KCND2: variants seen among roughly 807,000 people sequenced by gnomAD.
KCND2 encodes A-type voltage-gated potassium channel KCND2.
In KCND2, 16 loss-of-function variants were observed where a neutral mutation model predicts 54.4. The ratio of observed to expected loss-of-function variants is 0.29; its 90% CI spans 0.20 to 0.45. The LOEUF (loss-of-function observed/expected upper bound fraction) is 0.45, where lower values mean the gene tolerates loss of function less well. Among genes scored for constraint, KCND2 ranks in the 20% least tolerant of loss-of-function variants. The pLI is 1.00. For synonymous variants in KCND2, 317 were observed against 310.7 expected, an observed-to-expected ratio of 1.02 and a Z score of -0.21; for missense variants, 486 against 824.2, an observed-to-expected ratio of 0.59 and a Z score of 5.02.
Position 120,742,405 on chromosome 7 carries a change from A to C in KCND2, c.1375-105A>C. ...TCCTTTCTAGTTAGAAAAAAATAAA[A>C]TGTTGCCAGTTAATAGAGCAGATCT... On this transcript the variant is annotated intron_variant, in intron 3 of 5. Transcript: ENST00000331113. 3.3e-6 allele frequency: 3 copies of C among 897,872 alleles called. No homozygotes were observed. In the South Asian group the frequency reaches 4.0e-5, roughly 12 times the overall value. The allele number at this position is 897,872 out of a possible 1,614,324, so 55.6% of individuals were successfully genotyped here. A position where few individuals can be genotyped will look rare whatever the true frequency, so the allele number is the denominator to read the frequency against.
intron 1 of KCND2, among the ~76,000 whole-genome samples, chr7:120,413,266 G>A (rs1183607430): frequency 6.6e-6 from 1 of 151,974 alleles, no homozygotes; most frequent in Non-Finnish European, 1.5e-5. Flanking sequence ...TGAAGAATTA[G>A]TGAAGACTAT....
chr7:120,682,550 GAATAGTATATA>G (rs1792152413), intron 1 of KCND2, among the ~76,000 whole-genome samples: 1 of 151,980 alleles, frequency 6.6e-6, no homozygotes, highest in Admixed American at 6.6e-5. Flanking sequence ...TGTTCTCCAA[GAATAGTATATA>G]AACTGGTCCT....
intron 1 of KCND2, among the ~76,000 whole-genome samples, chr7:120,411,841 C>T (rs898875530): frequency 2.0e-5 from 3 of 151,798 alleles, no homozygotes; most frequent in African/African-American, 7.3e-5. Flanking sequence ...AGTGCCTAGG[C>T]CTTGTGAGTC....
In KCND2 at chr7:120,724,518, G is replaced by C. The variant is rs1468206274; in HGVS notation, c.1116-8385G>C. Reference sequence around the variant, plus strand: ...AATAGAAAGTTATTTGTTCCAGTGAGACTATGGGGTGTATGTGGGTGAACA... The same window carrying C: ...AATAGAAAGTTATTTGTTCCAGTGACACTATGGGGTGTATGTGGGTGAACA... On this transcript the variant is annotated intron_variant, in intron 1 of 5. Transcript: ENST00000331113. 4.6e-5 allele frequency among the ~76,000 whole-genome samples: 7 copies of C among 152,178 alleles called. No homozygotes were observed. In the East Asian group the frequency reaches 1.3e-3, roughly 29 times the overall value.
chr7:120,305,976 T>C (rs374067161), intron 1 of KCND2, among the ~76,000 whole-genome samples: 5 of 152,276 alleles, frequency 3.3e-5, no homozygotes, highest in African/African-American at 1.2e-4. Flanking sequence ...ATGGTACTAA[T>C]CTTCAAGTGG....
intron 1 of KCND2, among the ~76,000 whole-genome samples, chr7:120,591,651 C>G (rs2049643): frequency 0.098 from 14,913 of 152,202 alleles, 1,028 homozygotes; most frequent in African/African-American, 0.21. Context: ...TTAAAGAGCT[C>G]TCAAGCAATA....
chr7:120,424,162 A>G (rs564688955), intron 1 of KCND2, among the ~76,000 whole-genome samples: 130 of 152,280 alleles, frequency 8.5e-4, no homozygotes, highest in Middle Eastern at 3.4e-3. Context: ...TTTAATATAA[A>G]CTTGAATATA....
intron 1 of KCND2, among the ~76,000 whole-genome samples, chr7:120,680,545 G>A (rs80256109): frequency 0.13 from 20,305 of 152,058 alleles, 1,842 homozygotes; most frequent in East Asian, 0.42. Flanking sequence ...ACATAAATGG[G>A]ATCTTTGATC....
chr7:120,735,570 C>T (rs902463051), intron 2 of KCND2, among the ~76,000 whole-genome samples: 2 of 152,062 alleles, frequency 1.3e-5, no homozygotes, highest in East Asian at 3.9e-4. Context: ...TAAAGAAAAC[C>T]TTAGAATATT....
intron 1 of KCND2, among the ~76,000 whole-genome samples, chr7:120,377,542 T>G (rs1316431911): frequency 8.1e-6 from 1 of 123,360 alleles, no homozygotes; most frequent in Non-Finnish European, 1.8e-5. Context: ...TAATTGTCAT[T>G]TCTCATTTCC....
At chr7:120,703,717 G>A (rs1183199931) in intron 1 of KCND2, among the ~76,000 whole-genome samples, 2 of 152,150 alleles carry the variant, frequency 1.3e-5, no homozygotes, top group Non-Finnish European at 1.5e-5. Context: ...GAGGAGAAAT[G>A]CTGATACATT....
intron 1 of KCND2, among the ~76,000 whole-genome samples, chr7:120,374,939 C>T (rs1800816604): frequency 6.6e-6 from 1 of 151,814 alleles, no homozygotes; most frequent in African/African-American, 2.4e-5. Context: ...TCAGTGTTTA[C>T]ACTGTCGCTG....
chr7:120,282,588 G>T (rs1799282875), intron 1 of KCND2, among the ~76,000 whole-genome samples: 1 of 152,102 alleles, frequency 6.6e-6, no homozygotes, highest in Admixed American at 6.6e-5. Context: ...GTTCCTAGAG[G>T]TTAATAATGG....
intron 1 of KCND2, among the ~76,000 whole-genome samples, chr7:120,641,858 A>T (rs1177599792): frequency 3.8e-5 from 4 of 106,372 alleles, no homozygotes; most frequent in Non-Finnish European, 5.5e-5. Flanking sequence ...AAAAGATAAT[A>T]AAAAAAAAAG....
At chr7:120,319,321 A>G (rs958596326) in intron 1 of KCND2, among the ~76,000 whole-genome samples, 2 of 152,104 alleles carry the variant, frequency 1.3e-5, no homozygotes, top group African/African-American at 4.8e-5. Flanking sequence ...TTTAATAGAC[A>G]AGTAGAAAAA....
At chr7:120,505,052 T>C (rs1199120432) in intron 1 of KCND2, among the ~76,000 whole-genome samples, 1 of 151,828 alleles carries the variant, frequency 6.6e-6, no homozygotes, top group Non-Finnish European at 1.5e-5. Flanking sequence ...GTTTTTCAAA[T>C]TTAAAAAGTG....
At chr7:120,684,748 G>A (rs1022963355) in intron 1 of KCND2, among the ~76,000 whole-genome samples, 3 of 152,082 alleles carry the variant, frequency 2.0e-5, no homozygotes, top group Non-Finnish European at 4.4e-5. Context: ...CCCATCACTC[G>A]CAATATCACC....
At chr7:120,312,845 C>T (rs912360798) in intron 1 of KCND2, among the ~76,000 whole-genome samples, 1 of 152,178 alleles carries the variant, frequency 6.6e-6, no homozygotes, top group African/African-American at 2.4e-5. Context: ...GGGTAGTTGG[C>T]CTACTGTTCA....
At chr7:120,411,609 A>G (rs1018905567) in intron 1 of KCND2, among the ~76,000 whole-genome samples, 19 of 151,986 alleles carry the variant, frequency 1.3e-4, no homozygotes, top group Non-Finnish European at 5.9e-5. Flanking sequence ...CATAATTTAA[A>G]AACTTTGTAA....
Sources: gnomAD v4.1 joint callset for allele counts (sites outside exome capture counted in the v4.1 genomes callset) on GRCh38, gnomAD v4.1.1 for gene constraint, MANE v1.5 for transcripts, NCBI Gene and HGNC (gene_info 2026-07-23, HGNC 2026-07-21) for gene names.